MYH10: variants seen among roughly 807,000 people sequenced by gnomAD.
MYH10 encodes the protein myosin heavy chain 10, also known as myosin-10.
MYH10 carries 55 observed loss-of-function variants against 257.8 expected under a neutral mutation model. That is an observed-to-expected ratio of 0.21 (90% CI 0.17 to 0.27). MYH10 has a LOEUF of 0.27. MYH10 is among the 10% of genes least tolerant of loss of function. MYH10 has a pLI of 1.00. For missense variants in MYH10, 1,631 were observed against 2,500.6 expected (o/e 0.65, Z 7.42); for synonymous variants, 854 against 921.7 (o/e 0.93, Z 1.33).
intron 3 of MYH10, among the ~76,000 whole-genome samples, chr17:8,592,345 C>G (rs1256458320): frequency 6.6e-6 from 1 of 151,440 alleles, no homozygotes; most frequent in East Asian, 1.9e-4. Flanking sequence ...AAAAAAAAAT[C>G]AATGAAACCA....
At chr17:8,621,222 A>G (rs2085455534) in intron 2 of MYH10, among the ~76,000 whole-genome samples, 1 of 152,134 alleles carries the variant, frequency 6.6e-6, no homozygotes. Flanking sequence ...TTCATCTGAA[A>G]CTGATCAACC....
At chr17:8,541,861 C>T (rs1382059115) in intron 14 of MYH10, among the ~76,000 whole-genome samples, 1 of 152,150 alleles carries the variant, frequency 6.6e-6, no homozygotes, top group African/African-American at 2.4e-5. Flanking sequence ...AGCCCACTAT[C>T]CAGTATTCCC....
At chr17:8,586,916 G>A (rs1219091149) in intron 4 of MYH10, among the ~76,000 whole-genome samples, 1 of 152,072 alleles carries the variant, frequency 6.6e-6, no homozygotes, top group Non-Finnish European at 1.5e-5. Context: ...TAAAGTAATG[G>A]CTCCAATTGT....
chr17:8,484,384 C>CA (rs1914403980), intron 36 of MYH10, 118 bp from the exon 37 acceptor site: 2 of 897,740 alleles, frequency 2.2e-6, no homozygotes, highest in Non-Finnish European at 3.3e-6. Flanking sequence ...CTCAAGGCCT[C>CA]AAGCATTGCT....
intron 6 of MYH10, chr17:8,573,898 A>C: frequency 5.1e-6 from 4 of 778,758 alleles, no homozygotes; most frequent in Non-Finnish European, 6.2e-6. Flanking sequence ...AAACACAGAC[A>C]ATGCCAAGTG....
rs115950341 is a variant in MYH10 at position 8,620,737 on chromosome 17, C to G, written c.345+2165G>C. Reference sequence around the variant, plus strand: ...CTCCCCATCCCCATCCTCTTAACGACACAGACTTCTTTGGAGTCAAGTTCT... The same window carrying G: ...CTCCCCATCCCCATCCTCTTAACGAGACAGACTTCTTTGGAGTCAAGTTCT... On this transcript the variant is annotated intron_variant, in intron 2 of 42. Coordinates refer to ENST00000360416, the MANE Select transcript of MYH10 (RefSeq NM_001256012.3). 3.4e-3 allele frequency among the ~76,000 whole-genome samples: 518 copies of G among 152,272 alleles called. 8 individuals are homozygous for G. The highest frequency in any genetic ancestry group is 0.011 in the African/African-American group (444 of 41,536).
chr17:8,551,378 A>G (rs1316427153), intron 9 of MYH10, among the ~76,000 whole-genome samples: 3 of 152,170 alleles, frequency 2.0e-5, no homozygotes, highest in African/African-American at 7.2e-5. Context: ...GGTTAGCAAA[A>G]GCCTGGATGC....
intron 9 of MYH10, among the ~76,000 whole-genome samples, chr17:8,549,612 A>G (rs900961550): frequency 6.6e-6 from 1 of 152,170 alleles, no homozygotes; most frequent in East Asian, 1.9e-4. Context: ...ATTCTTGTCT[A>G]CATCACATTT....
chr17:8,557,246 T>A (rs1296400525), intron 7 of MYH10, among the ~76,000 whole-genome samples: 1 of 152,078 alleles, frequency 6.6e-6, no homozygotes, highest in African/African-American at 2.4e-5. Context: ...AAATGAATAA[T>A]CCATTGTATT....
intron 37 of MYH10, among the ~76,000 whole-genome samples, chr17:8,482,820 C>A (rs569483176): frequency 6.0e-4 from 91 of 152,332 alleles, no homozygotes; most frequent in African/African-American, 2.1e-3. Flanking sequence ...GGGTAATGGC[C>A]CAGGAGCGCT....
In MYH10 at chr17:8,475,076, TGG is replaced by T. The variant is rs1160981748; in HGVS notation, c.*726_*727del. 1 of 152,406 alleles carries T rather than the reference TGG, an allele frequency of 6.6e-6. No individual in the cohort carries two copies. The highest frequency in any genetic ancestry group is 1.5e-5 in the Non-Finnish European group (1 of 68,164). The allele number at this position is 152,406 out of a possible 1,614,324, so 9.4% of individuals were successfully genotyped here. ...GTCTACATGATCCATGGCTGCCACC[TGG>T]GGCCTCAGCTGCAGTGTGGCCACTA... On this transcript the variant is annotated 3_prime_UTR_variant, in exon 43 of 43. Coordinates refer to ENST00000360416, the MANE Select transcript of MYH10 (RefSeq NM_001256012.3).
chr17:8,582,474 A>G (rs991415485), intron 4 of MYH10, among the ~76,000 whole-genome samples: 3 of 152,232 alleles, frequency 2.0e-5, no homozygotes, highest in Non-Finnish European at 4.4e-5. Flanking sequence ...TTAAGGGGAA[A>G]GGCTGCAGTC....
At chr17:8,502,803 C>T (rs1340216809) in intron 28 of MYH10, among the ~76,000 whole-genome samples, 1 of 152,066 alleles carries the variant, frequency 6.6e-6, no homozygotes, top group African/African-American at 2.4e-5. Flanking sequence ...AATAAATATG[C>T]GCATTTAGTT....
intron 21 of MYH10, among the ~76,000 whole-genome samples, chr17:8,515,708 A>G (rs2081446632): frequency 6.6e-6 from 1 of 151,424 alleles, no homozygotes; most frequent in Non-Finnish European, 1.5e-5. Flanking sequence ...ATGCCTTGCT[A>G]ATTTTTTGTA....
In MYH10 at chr17:8,503,545, C is replaced by T. The variant is rs2080978160; in HGVS notation, c.3599+1149G>A. 2.0e-5 allele frequency among the ~76,000 whole-genome samples: 3 copies of T among 152,180 alleles called. No homozygotes were observed. The South Asian group carries it at 6.2e-4, about 32-fold the overall frequency. On this transcript the variant is annotated intron_variant, in intron 28 of 42. Coordinates refer to ENST00000360416, the MANE Select transcript of MYH10 (RefSeq NM_001256012.3). ...CCTCAGTCTCACTGCTCTATCGAGC[C>T]GGCCTGCCCTGTGGACACCATGATG...
chr17:8,593,985 A>G (rs1005627867), intron 3 of MYH10, among the ~76,000 whole-genome samples: 3 of 152,208 alleles, frequency 2.0e-5, no homozygotes, highest in Non-Finnish European at 2.9e-5. Context: ...AAAGACATAT[A>G]GATCAAAGGA....
chr17:8,478,385 TGAA>T lies in MYH10; in HGVS notation c.5656_5658del (p.Phe1886del). 1.2e-6 allele frequency: 2 copies of T among 1,614,254 alleles called. No individual in the cohort carries two copies. The highest frequency in any genetic ancestry group is 1.7e-6 in the Non-Finnish European group (2 of 1,180,040). The stretch of plus-strand genomic sequence containing the variant: ...TGTCGACGCTCATCCTCAACCTGCA[TGAA>T]GATTTCTTTCAGCTTCTTCTCAGTG... On this transcript the variant is annotated inframe_deletion, in exon 41 of 43. Transcript: ENST00000360416.
intron 2 of MYH10, among the ~76,000 whole-genome samples, chr17:8,617,528 A>G (rs1427485278): frequency 1.3e-5 from 2 of 152,300 alleles, no homozygotes; most frequent in Middle Eastern, 3.4e-3. Flanking sequence ...TTCCTTCTGG[A>G]ACTCCAACTA....
At chr17:8,549,452 T>C in intron 9 of MYH10, among the ~76,000 whole-genome samples, 1 of 152,318 alleles carries the variant, frequency 6.6e-6, no homozygotes, top group East Asian at 1.9e-4. Context: ...ACAAATGCAT[T>C]CTTGAGAGCC....
Sources: gnomAD v4.1 joint callset for allele counts (sites outside exome capture counted in the v4.1 genomes callset) on GRCh38, gnomAD v4.1.1 for gene constraint, MANE v1.5 for transcripts, NCBI Gene and HGNC (gene_info 2026-07-23, HGNC 2026-07-21) for gene names.